Variants in EPB41 observed in about 807,000 individuals in gnomAD.
EPB41 encodes the protein protein 4.1.
In EPB41, 65 loss-of-function variants were observed where a neutral mutation model predicts 108.0. That is an observed-to-expected ratio of 0.60 (90% CI 0.49 to 0.74). The LOEUF is 0.74. Among genes scored for constraint, EPB41 ranks in the 30% least tolerant of loss-of-function variants. The pLI is 0.00. For synonymous variants in EPB41, 336 were observed against 358.9 expected (o/e 0.94, Z 0.72); for missense variants, 875 against 1,037.0 (o/e 0.84, Z 2.15).
chr1:29,094,259 G>T (rs2151448474), intron 16 of EPB41, among the ~76,000 whole-genome samples: 1 of 151,902 alleles, frequency 6.6e-6, no homozygotes, highest in South Asian at 2.1e-4. Context: ...TTTTGTTGTT[G>T]TTGTTTTCTT....
intron 1 of EPB41, among the ~76,000 whole-genome samples, chr1:28,926,592 G>C (rs1318759974): frequency 6.6e-6 from 1 of 152,182 alleles, no homozygotes; most frequent in Non-Finnish European, 1.5e-5. Flanking sequence ...TTGTGATCTT[G>C]TGAAAGTACT....
chr1:28,936,030 C>G (rs1312456829), intron 1 of EPB41, among the ~76,000 whole-genome samples: 5 of 152,066 alleles, frequency 3.3e-5, no homozygotes, highest in East Asian at 3.9e-4. Flanking sequence ...AAGTTTGTCT[C>G]TCATATCCTT....
At chr1:28,923,460 A>G (rs996216059) in intron 1 of EPB41, among the ~76,000 whole-genome samples, 1 of 151,996 alleles carries the variant, frequency 6.6e-6, no homozygotes, top group South Asian at 2.1e-4. Context: ...TTGAATTTTT[A>G]TTATTTCTTT....
At chr1:28,925,858 C>G (rs970014161) in intron 1 of EPB41, among the ~76,000 whole-genome samples, 11 of 152,152 alleles carry the variant, frequency 7.2e-5, no homozygotes, top group African/African-American at 2.6e-4. Context: ...GGATTTTGAG[C>G]AGAGGAATGG....
chr1:29,047,347 C>T (rs1643562525), intron 11 of EPB41, among the ~76,000 whole-genome samples: 1 of 146,086 alleles, frequency 6.8e-6, no homozygotes, highest in Non-Finnish European at 1.5e-5. Context: ...CCTCCCAGGC[C>T]CAAATGATCC....
rs1430573312 is a variant in EPB41, at chr1:29,109,450, C to T, written c.2415+13C>T. 15 of 1,609,392 alleles carry T rather than the reference C, an allele frequency of 9.3e-6. No homozygotes were observed. The highest frequency in any genetic ancestry group is 1.3e-5 in the African/African-American group (1 of 74,820). On this transcript the variant is annotated intron_variant, in intron 18 of 20. Transcript: ENST00000343067. ...TCAAATTACCAAGGTAACAGACCAG[C>T]TAGAACCTCTTTATGGAACCCAGGG...
intron 17 of EPB41, among the ~76,000 whole-genome samples, chr1:29,099,035 G>A (rs886876053): frequency 2.7e-5 from 4 of 150,016 alleles, no homozygotes; most frequent in Non-Finnish European, 4.5e-5. Context: ...GTGGCCGGGT[G>A]CAGTGGCTCA....
chr1:28,913,796 T>G (rs1030816751), upstream of EPB41, among the ~76,000 whole-genome samples: 5 of 152,178 alleles, frequency 3.3e-5, no homozygotes, highest in African/African-American at 1.2e-4. Context: ...TCAAGGGGTC[T>G]CTGACACTTC....
intron 1 of EPB41, among the ~76,000 whole-genome samples, chr1:28,891,888 A>G (rs1473206413): frequency 6.6e-6 from 1 of 152,058 alleles, no homozygotes; most frequent in Non-Finnish European, 1.5e-5. Context: ...CAGGAGTTCG[A>G]CACAGCCTGG....
intron 8 of EPB41, among the ~76,000 whole-genome samples, chr1:29,032,095 C>CT (rs1195565913): frequency 7.2e-5 from 8 of 111,792 alleles, no homozygotes; most frequent in Non-Finnish European, 1.2e-4. Flanking sequence ...GAGACTCTGT[C>CT]TTAAAAAAAA....
chr1:29,087,673 T>C (rs979840186), intron 16 of EPB41, among the ~76,000 whole-genome samples: 1 of 152,190 alleles, frequency 6.6e-6, no homozygotes, highest in Non-Finnish European at 1.5e-5. Flanking sequence ...TATCCTGCTT[T>C]TAATAATATC....
At chr1:29,085,856 T>G (rs1298566121) in intron 16 of EPB41, among the ~76,000 whole-genome samples, 1 of 152,196 alleles carries the variant, frequency 6.6e-6, no homozygotes, top group East Asian at 1.9e-4. Context: ...CCAGCTGACT[T>G]TGACTTTCAA....
chr1:29,093,397 GTTTC>G (rs757151863), intron 16 of EPB41, among the ~76,000 whole-genome samples: 5 of 152,178 alleles, frequency 3.3e-5, no homozygotes, highest in Non-Finnish European at 7.4e-5. Context: ...TAATGGAGTT[GTTTC>G]TTTCTTGTAA....
Position 29,031,073 on chromosome 1 carries a change from T to C in EPB41, c.1212+586T>C, listed in dbSNP as rs374900368. ...ATCCGCCCGCCTCGGCCTCCCAAAGTGCTGGGATTACAGGCGTGAGCCACC... is the reference window on the plus strand; with the variant it reads ...ATCCGCCCGCCTCGGCCTCCCAAAGCGCTGGGATTACAGGCGTGAGCCACC... On this transcript the variant is annotated intron_variant, in intron 8 of 20. Transcript: ENST00000343067. Among the ~76,000 whole-genome samples the C allele has an allele frequency of 3.1e-4, 47 of 152,264 alleles. No individual in the cohort carries two copies. The East Asian group carries it at 8.2e-3, about 26-fold the overall frequency.
At chr1:29,042,714 A>T (rs1641979645) in intron 11 of EPB41, among the ~76,000 whole-genome samples, 1 of 151,940 alleles carries the variant, frequency 6.6e-6, no homozygotes, top group South Asian at 2.1e-4. Flanking sequence ...CCTGGCCTCA[A>T]GTAATCTGCC....
chr1:28,901,856 G>C (rs1432606381), intron 1 of EPB41, among the ~76,000 whole-genome samples: 1 of 152,124 alleles, frequency 6.6e-6, no homozygotes, highest in Non-Finnish European at 1.5e-5. Context: ...ACTTAAAATT[G>C]TAACACCTTT....
intron 11 of EPB41, among the ~76,000 whole-genome samples, chr1:29,044,074 T>A (rs570052193): frequency 1.3e-5 from 2 of 152,240 alleles, no homozygotes; most frequent in Non-Finnish European, 2.9e-5. Context: ...AATCATTTAA[T>A]CTTCATGTCT....
chr1:28,957,919 C>T (rs2095027007), intron 1 of EPB41, among the ~76,000 whole-genome samples: 1 of 152,000 alleles, frequency 6.6e-6, no homozygotes, highest in Admixed American at 6.6e-5. Flanking sequence ...CAGCAAATAC[C>T]TTTCCATACT....
Position 28,993,464 on chromosome 1 carries a change from A to G in EPB41, c.603A>G (p.Gln201=). 1.4e-5 allele frequency: 23 copies of G among 1,614,048 alleles called. No individual in the cohort carries two copies. The highest frequency in any genetic ancestry group is 1.9e-5 in the Non-Finnish European group (23 of 1,180,002). Residue 201 remains glutamine (Q), a synonymous_variant, in exon 3 of 21, where the codon CAA becomes CAG. Transcript: ENST00000343067. Reference sequence around the variant, plus strand: ...CAGAAACAGAATTAAAAGCTTCCCAAAAACCAATCAGAAAACACAGGAACA... The same window carrying G: ...CAGAAACAGAATTAAAAGCTTCCCAGAAACCAATCAGAAAACACAGGAACA... ...SKAETELKAS[Q]KPIRKHRNMH... is the part of the protein sequence containing the mutation.
Sources: gnomAD v4.1 joint callset for allele counts (sites outside exome capture counted in the v4.1 genomes callset) on GRCh38, gnomAD v4.1.1 for gene constraint, MANE v1.5 for transcripts, NCBI Gene and HGNC (gene_info 2026-07-23, HGNC 2026-07-21) for gene names.